Variants in MAST1 observed in about 807,000 individuals in gnomAD.
MAST1 encodes the protein microtubule-associated serine/threonine-protein kinase 1.
Under a neutral mutation model 124.6 loss-of-function variants are expected in MAST1, and 40 were observed. The ratio of observed to expected loss-of-function variants is 0.32; its 90% confidence interval spans 0.25 to 0.42. The LOEUF is 0.42. Among genes scored for constraint, MAST1 ranks in the 10% least tolerant of loss-of-function variants. The probability of loss-of-function intolerance (pLI) is 1.00; values close to 1 mark genes in which losing one functional copy is unlikely to be tolerated. For missense variants in MAST1, 1,558 were observed against 2,181.9 expected, an observed-to-expected ratio of 0.71 and a Z score of 5.70; for synonymous variants, 938 against 939.4, an observed-to-expected ratio of 1.00 and a Z score of 0.03.
chr19:12,873,967 G>A lies in MAST1; in HGVS notation c.3810G>A (p.Leu1270=). Residue 1270 remains leucine, a synonymous_variant, in exon 26 of 26, where the codon CTG becomes CTA. Coordinates refer to ENST00000251472, the MANE Select transcript of MAST1 (RefSeq NM_014975.3). ...LLKRVQSAEK[L]GASLSADKKG... ...AGCGCGTGCAGTCGGCCGAGAAGCT[G>A]GGAGCCTCTTTGAGTGCGGACAAGA... The A allele has an allele frequency of 6.3e-7, 1 of 1,599,654 alleles. No individual in the cohort carries two copies. The highest frequency in any genetic ancestry group is 8.5e-7 in the Non-Finnish European group (1 of 1,178,482).
At chr19:12,869,016 G>A in intron 21 of MAST1, 50 bp from the exon 22 acceptor site, 1 of 1,584,618 alleles carries the variant, frequency 6.3e-7, no homozygotes, top group South Asian at 1.1e-5. Flanking sequence ...GATACAGGGA[G>A]ATGTCTATCT....
intron 24 of MAST1, 45 bp from the exon 25 acceptor site, chr19:12,873,279 C>G: frequency 6.3e-7 from 1 of 1,582,836 alleles, no homozygotes; most frequent in African/African-American, 1.3e-5. Flanking sequence ...GCCCTGAGCT[C>G]TGGCGTCCAG....
At position 12,847,575 on chromosome 19, in the gene MAST1, G is replaced by A. The variant is rs770540269; in HGVS notation, c.489-37G>A. ...GCGGGGGCTCTCTGCGGGCTTGGAG[G>A]CAGAGGACTCGACAAAATGGGCTTC... On this transcript the variant is annotated intron_variant, in intron 5 of 25. Transcript: ENST00000251472. This position sits in a 1 kb window ranked among gnomAD's most constrained non-coding sequence, Gnocchi z 5.5. The A allele has an allele frequency of 6.2e-7, 1 of 1,613,876 alleles. No homozygotes were observed. The highest frequency in any genetic ancestry group is 1.1e-5 in the South Asian group (1 of 91,080).
intron 12 of MAST1, among the ~76,000 whole-genome samples, chr19:12,861,050 A>G (rs1970075626): frequency 6.6e-6 from 1 of 151,900 alleles, no homozygotes; most frequent in South Asian, 2.1e-4. Flanking sequence ...AGAGCAAGCC[A>G]AAGAGATAAG....
Position 12,847,850 on chromosome 19 carries a change from C to T in MAST1, c.567C>T (p.Ala189=), listed in dbSNP as rs765071375. The T allele has an allele frequency of 3.1e-6, 5 of 1,608,844 alleles. No homozygotes were observed. Among genetic ancestry groups the T allele is most frequent in the African/African-American group, 1.3e-5 (1 of 74,810 alleles). The change falls in exon 7 of 26, where the codon GCC becomes GCT. Residue 189 remains alanine (A), a splice_region_variant and synonymous_variant. Coordinates refer to ENST00000251472, the MANE Select transcript of MAST1 (RefSeq NM_014975.3). This position sits in a 1 kb window ranked among gnomAD's most constrained non-coding sequence, Gnocchi z 5.5. ...NHVYKERFPK[A]TAQMEEKLRD... is the part of the protein sequence containing the mutation. ...CCCCTCCTCCGTCCCTCCCGCAGGC[C>T]ACTGCGCAGATGGAGGAGAAGCTGC... is the stretch of plus-strand genomic sequence containing the variant.
chr19:12,848,977 G>A (rs1265833805), intron 7 of MAST1: 1 of 152,080 alleles, frequency 6.6e-6, no homozygotes, highest in Non-Finnish European at 1.5e-5. Flanking sequence ...ATAAATAAAT[G>A]AAATAAAATA....
In MAST1 at chr19:12,847,773, C is replaced by A. The variant is rs757032785; in HGVS notation, c.565-75C>A. On this transcript the variant is annotated intron_variant, in intron 6 of 25. Coordinates refer to ENST00000251472, the MANE Select transcript of MAST1 (RefSeq NM_014975.3). The surrounding 1 kb of genome is among the most constrained non-coding windows in gnomAD (Gnocchi z 5.5). Reference sequence around the variant, plus strand: ...ATCCCCGCGCGCCCCCTGGCGGCCTCGGTGCGCAGCGCAGGCTCCTGGCGG... The same window carrying A: ...ATCCCCGCGCGCCCCCTGGCGGCCTAGGTGCGCAGCGCAGGCTCCTGGCGG... 1 of 1,580,374 alleles carries A rather than the reference C, an allele frequency of 6.3e-7. No homozygotes were observed. The highest frequency in any genetic ancestry group is 8.6e-7 in the Non-Finnish European group (1 of 1,159,778).
At position 12,847,415 on chromosome 19, in the gene MAST1, C is replaced by T. The variant is rs762453111; in HGVS notation, c.453C>T (p.Arg151=). The T allele has an allele frequency of 3.5e-5, 57 of 1,613,800 alleles. No homozygotes were observed. Among genetic ancestry groups the T allele is most frequent in the Non-Finnish European group, 4.8e-5 (57 of 1,180,016 alleles). ...TCACAGACGAGGATGGTGGCCGTCGCTCCCCAGCCGTGCGGCCCCGCTCAC... is the reference window on the plus strand; with the variant it reads ...TCACAGACGAGGATGGTGGCCGTCGTTCCCCAGCCGTGCGGCCCCGCTCAC... ...ESITDEDGGR[R]SPAVRPRSRS... The change falls in exon 5 of 26, where the codon CGC becomes CGT. Residue 151 remains arginine (R), a synonymous_variant. Transcript: ENST00000251472. This position sits in a 1 kb window ranked among gnomAD's most constrained non-coding sequence, Gnocchi z 5.5.
At chr19:12,845,391 G>A (rs1317890175) in intron 4 of MAST1, among the ~76,000 whole-genome samples, 1 of 117,306 alleles carries the variant, frequency 8.5e-6, no homozygotes, top group Non-Finnish European at 1.6e-5. Context: ...CCTGAGCAAC[G>A]TGATGAAACC....
chr19:12,864,600 A>G (rs1387935071), intron 12 of MAST1, among the ~76,000 whole-genome samples: 1 of 152,134 alleles, frequency 6.6e-6, no homozygotes, highest in Non-Finnish European at 1.5e-5. Flanking sequence ...TTTGTGTATA[A>G]GATGAGCTGA....
At position 12,873,947 on chromosome 19, in the gene MAST1, G is replaced by A. The variant is rs886143941; in HGVS notation, c.3790G>A (p.Val1264Met). The change falls in exon 26 of 26, where the codon GTG becomes ATG. Residue 1264 changes from valine to methionine, a missense_variant. Physicochemically the swap from Val to Met is conservative, Grantham distance 21. Coordinates refer to ENST00000251472, the MANE Select transcript of MAST1 (RefSeq NM_014975.3). ...CCCTCGCTCGCCGCTCCTCAAGCGC[G>A]TGCAGTCGGCCGAGAAGCTGGGAGC... is the stretch of plus-strand genomic sequence containing the variant. ...EPPRSPLLKRVQSAEKLGASL... is the reference protein window; with the variant it reads ...EPPRSPLLKRMQSAEKLGASL... The A allele has an allele frequency of 1.9e-6, 3 of 1,594,992 alleles. No homozygotes were observed. The highest frequency in any genetic ancestry group is 2.5e-6 in the Non-Finnish European group (3 of 1,177,284).
Position 12,838,645 on chromosome 19 carries a change from C to T in MAST1, c.73C>T (p.Arg25Cys), listed in dbSNP as rs374959847. The change falls in exon 1 of 26, where the codon CGC becomes TGC. Residue 25 changes from arginine (R) to cysteine (C), a missense_variant. This residue lies in a region of MAST1 where 42 missense variants were observed against 54.6 expected (regional missense o/e 0.77). Transcript: ENST00000251472. This position sits in a 1 kb window ranked among gnomAD's most constrained non-coding sequence, Gnocchi z 4.3. ...PSFPGGSMFRRTKSCRTSNRK... is the reference protein window; with the variant it reads ...PSFPGGSMFRCTKSCRTSNRK... ...CTTCCCCGGCGGCAGTATGTTCCGC[C>T]GCACCAAGAGGTAGACCCCCGATCC... 1 of 1,609,598 alleles carries T rather than the reference C, an allele frequency of 6.2e-7. No individual in the cohort carries two copies. The highest frequency in any genetic ancestry group is 8.5e-7 in the Non-Finnish European group (1 of 1,178,390).
Position 12,847,605 on chromosome 19 carries a change from C to A in MAST1, c.489-7C>A, listed in dbSNP as rs552951835. 6.2e-7 allele frequency: 1 copy of A among 1,614,056 alleles called. No homozygotes were observed. The highest frequency in any genetic ancestry group is 1.1e-5 in the South Asian group (1 of 91,076). The stretch of plus-strand genomic sequence containing the variant: ...GGACTCGACAAAATGGGCTTCTCTC[C>A]CCGCAGCCCCGGGCGCTCCCCCTCC... On this transcript the variant is annotated splice_region_variant and splice_polypyrimidine_tract_variant and intron_variant, in intron 5 of 25. Coordinates refer to ENST00000251472, the MANE Select transcript of MAST1 (RefSeq NM_014975.3). The surrounding 1 kb of genome is among the most constrained non-coding windows in gnomAD (Gnocchi z 5.5).
At chr19:12,868,902 G>A in intron 21 of MAST1, 53 bp downstream of exon 21, 1 of 1,560,404 alleles carries the variant, frequency 6.4e-7, no homozygotes, top group Middle Eastern at 1.7e-4. Flanking sequence ...TTTGAGGCAG[G>A]ACAGACCAAT....
At chr19:12,868,103 A>ATTTTTTTTTGTTTTTTTTTTTTTTTTTTT (rs1970182039) in intron 20 of MAST1, 126 bp downstream of exon 20, 1 of 291,088 alleles carries the variant, frequency 3.4e-6, no homozygotes, top group East Asian at 1.4e-4. Context: ...GCAATTTGGG[A>ATTTTTTTTTGTTTTTTTTTTTTTTTTTTT]TTTTTTTTTT....
chr19:12,872,987 A>G (rs1970256399), intron 24 of MAST1, among the ~76,000 whole-genome samples: 1 of 151,606 alleles, frequency 6.6e-6, no homozygotes, highest in Non-Finnish European at 1.5e-5. Context: ...GCGGGGCCTG[A>G]AGTAGGAGGA....
chr19:12,864,705 A>G, intron 12 of MAST1, 104 bp from the exon 13 acceptor site: 1 of 1,461,714 alleles, frequency 6.8e-7, no homozygotes, highest in African/African-American at 1.4e-5. Flanking sequence ...AGTTTCCCTT[A>G]TCTATAAAAC....
intron 7 of MAST1, among the ~76,000 whole-genome samples, chr19:12,849,920 C>T (rs1320930735): frequency 1.3e-5 from 2 of 152,086 alleles, no homozygotes; most frequent in African/African-American, 2.4e-5. Flanking sequence ...GCCTCAGCCT[C>T]CCGAGTAGCT....
At position 12,874,229 on chromosome 19, in the gene MAST1, A is replaced by G. The variant is rs767314029; in HGVS notation, c.4072A>G (p.Lys1358Glu). The G allele has an allele frequency of 6.4e-7, 1 of 1,551,496 alleles. No individual in the cohort carries two copies. The highest frequency in any genetic ancestry group is 8.7e-7 in the Non-Finnish European group (1 of 1,151,484). The stretch of plus-strand genomic sequence containing the variant: ...TGCCTCCAGGCCACCAGTGTCGAGC[A>G]AGGAGAAGGAATCCCCGGGGGGCGC... ...EGASRPPVSS[K>E]EKESPGGAEA... Residue 1358 changes from lysine (K) to glutamate (E), a missense_variant, in exon 26 of 26, where the codon AAG becomes GAG. By Grantham distance (56) the Lys-to-Glu change is moderately conservative. Coordinates refer to ENST00000251472, the MANE Select transcript of MAST1 (RefSeq NM_014975.3). This position sits in a 1 kb window ranked among gnomAD's most constrained non-coding sequence, Gnocchi z 6.6.
Sources: allele counts gnomAD v4.1 joint callset (sites outside exome capture counted in the v4.1 genomes callset), GRCh38; gene constraint gnomAD v4.1.1; regional missense constraint gnomAD v4.1.1; non-coding constraint Gnocchi (gnomAD v3.1); transcripts MANE v1.5; gene names NCBI Gene and HGNC (gene_info 2026-07-23, HGNC 2026-07-21).